Variants in FRMPD4 observed in about 807,000 individuals in gnomAD.
FRMPD4 encodes the protein FERM and PDZ domain containing 4, also known as FERM and PDZ domain-containing protein 4.
A neutral mutation model predicts 94.1 loss-of-function variants in FRMPD4; 22 were observed. That is an observed-to-expected ratio of 0.23 (90% CI 0.17 to 0.33). The LOEUF (loss-of-function observed/expected upper bound fraction) is 0.33, where lower values mean the gene tolerates loss of function less well. FRMPD4 is among the 10% of genes least tolerant of loss of function. The pLI is 1.00. For missense variants in FRMPD4, 1,111 were observed against 1,339.9 expected (o/e 0.83, Z 2.67); for synonymous variants, 631 against 548.6 (o/e 1.15, Z -2.10).
intron 3 of FRMPD4, among the ~76,000 whole-genome samples, chrX:11,931,146 A>G (rs2054120470): frequency 8.9e-6 from 1 of 112,040 alleles, no homozygotes; most frequent in Admixed American, 9.5e-5. Context: ...CATACAGTAT[A>G]TGTAATACTG....
intron 2 of FRMPD4, among the ~76,000 whole-genome samples, chrX:12,545,775 A>G (rs1290554288): frequency 8.9e-6 from 1 of 112,824 alleles, no homozygotes; most frequent in African/African-American, 3.2e-5. Flanking sequence ...GCATGAAGTA[A>G]TCTTTCTGCA....
At chrX:12,559,506 T>C (rs896425766) in intron 2 of FRMPD4, among the ~76,000 whole-genome samples, 3 of 110,203 alleles carry the variant, frequency 2.7e-5, no homozygotes, top group Admixed American at 9.6e-5. Context: ...AAAAATTAGC[T>C]GGGTGTGGTG....
At chrX:11,982,904 AT>A (rs1448786059) in intron 3 of FRMPD4, among the ~76,000 whole-genome samples, 1 of 111,445 alleles carries the variant, frequency 9.0e-6, no homozygotes, top group Admixed American at 9.5e-5. Flanking sequence ...CTGCTGTCTT[AT>A]TTCTGCTGAC....
intron 1 of FRMPD4, among the ~76,000 whole-genome samples, chrX:12,458,978 G>C (rs969545711): frequency 3.3e-4 from 37 of 111,964 alleles, no homozygotes; most frequent in African/African-American, 1.2e-3. Context: ...GAAGTAGAAG[G>C]AAGTACAAAA....
At chrX:12,500,634 T>C (rs2057909272) in intron 2 of FRMPD4, among the ~76,000 whole-genome samples, 1 of 110,805 alleles carries the variant, frequency 9.0e-6, no homozygotes, top group Non-Finnish European at 1.9e-5. Flanking sequence ...TTCCTAAGGA[T>C]ATGCTCACAG....
Position 12,319,028 on chromosome X carries a change from A to G in FRMPD4, c.42-179652A>G, listed in dbSNP as rs139917616. On this transcript the variant is annotated intron_variant, in intron 1 of 16. Transcript: ENST00000675598. ...CAGAGTTGTTTGGGATGAGAACACA[A>G]TTCTGTTCAGTTAGCTTTCCAAATA... Among the ~76,000 whole-genome samples the G allele has an allele frequency of 8.6e-3, 960 of 111,637 alleles. 11 individuals are homozygous for G. The highest frequency in any genetic ancestry group is 0.03 in the African/African-American group (923 of 30,663).
At chrX:12,311,979 G>T (rs931712493) in intron 1 of FRMPD4, among the ~76,000 whole-genome samples, 11 of 110,132 alleles carry the variant, frequency 1.0e-4, no homozygotes, top group African/African-American at 3.6e-4. Flanking sequence ...TTCAAGTATT[G>T]CCTCTCTTCA....
chrX:12,551,395 C>G (rs1381598398), intron 2 of FRMPD4, among the ~76,000 whole-genome samples: 1 of 110,324 alleles, frequency 9.1e-6, no homozygotes, highest in Non-Finnish European at 1.9e-5. Flanking sequence ...AATTATCATA[C>G]CCCCAAAAGA....
At chrX:12,280,081 A>G (rs1375231402) in intron 1 of FRMPD4, among the ~76,000 whole-genome samples, 4 of 110,378 alleles carry the variant, frequency 3.6e-5, no homozygotes, top group Admixed American at 1.9e-4. Context: ...TTTAGCGCAC[A>G]TGCACACACG....
intron 2 of FRMPD4, among the ~76,000 whole-genome samples, chrX:11,875,948 T>C (rs190573846): frequency 0.012 from 1,129 of 96,849 alleles, 26 homozygotes; most frequent in African/African-American, 0.041. Context: ...CGATCTCGGC[T>C]CACTGCAAGC....
At position 12,717,618 on chromosome X, in the gene FRMPD4, A is replaced by T; in HGVS notation, c.2792A>T (p.Asn931Ile). The change falls in exon 16 of 17, where the codon AAC becomes ATC. Residue 931 changes from asparagine (N) to isoleucine (I), a missense_variant. Asn to Ile is a moderately radical substitution (Grantham distance 149). This residue lies in a region of FRMPD4 where 551 missense variants were observed against 591.6 expected (regional missense o/e 0.93). Coordinates refer to ENST00000675598, the MANE Select transcript of FRMPD4 (RefSeq NM_001368397.1). ...GCCACAGCACAAAAACAGTCAGAAA[A>T]CCTCTCCCGCATGTTCTTGGCCACT... Reference protein sequence around the residue: ...ELATAQKQSENLSRMFLATHE... With the variant: ...ELATAQKQSEILSRMFLATHE... 1 of 1,207,710 alleles carries T rather than the reference A, an allele frequency of 8.3e-7. No homozygotes were observed. The highest frequency in any genetic ancestry group is 1.1e-6 in the Non-Finnish European group (1 of 892,346).
intron 3 of FRMPD4, among the ~76,000 whole-genome samples, chrX:11,958,817 C>T (rs1163318119): frequency 1.8e-5 from 2 of 112,016 alleles, no homozygotes; most frequent in Non-Finnish European, 3.8e-5. Flanking sequence ...GCTTTTCCCT[C>T]CACCGCAAAT....
At chrX:11,962,678 A>C (rs2054289707) in intron 3 of FRMPD4, among the ~76,000 whole-genome samples, 1 of 111,463 alleles carries the variant, frequency 9.0e-6, no homozygotes, top group Admixed American at 9.5e-5. Flanking sequence ...AACTGGAAGG[A>C]GTAAGTTCTG....
chrX:12,714,472 G>T (rs1569071452), intron 14 of FRMPD4, among the ~76,000 whole-genome samples: 1 of 111,426 alleles, frequency 9.0e-6, no homozygotes, highest in Non-Finnish European at 1.9e-5. Flanking sequence ...GATCCTTAAC[G>T]TTGCAAGACA....
At chrX:12,571,533 A>G (rs1047299047) in intron 2 of FRMPD4, among the ~76,000 whole-genome samples, 3 of 112,600 alleles carry the variant, frequency 2.7e-5, no homozygotes, top group Non-Finnish European at 5.6e-5. Flanking sequence ...AGCTCAGAAC[A>G]GTAATTCTGT....
chrX:12,614,971 G>A (rs1010908289), intron 4 of FRMPD4, 90 bp downstream of exon 4: 3 of 446,266 alleles, frequency 6.7e-6, no homozygotes, highest in Non-Finnish European at 1.2e-5. Flanking sequence ...AGCCTCCTGT[G>A]GGACAATTTA....
intron 1 of FRMPD4, among the ~76,000 whole-genome samples, chrX:12,242,715 A>G (rs747531664): frequency 8.9e-6 from 1 of 112,205 alleles, no homozygotes; most frequent in Non-Finnish European, 1.9e-5. Context: ...TGACTCAGTT[A>G]TCTCTTCCTT....
At chrX:12,685,559 TTTTTTG>T (rs10687187) in intron 6 of FRMPD4, among the ~76,000 whole-genome samples, 14,160 of 104,285 alleles carry the variant, frequency 0.14, 1,115 homozygotes, top group African/African-American at 0.29. Flanking sequence ...TGGAGTTTTG[TTTTTTG>T]TTTTTGTTTT....
chrX:12,309,643 A>G (rs2054999662), intron 1 of FRMPD4, among the ~76,000 whole-genome samples: 1 of 112,397 alleles, frequency 8.9e-6, no homozygotes, highest in South Asian at 3.7e-4. Context: ...ACTCCTAGTC[A>G]TAGGTGCACA....
Sources: allele counts gnomAD v4.1 joint callset (sites outside exome capture counted in the v4.1 genomes callset), GRCh38; gene constraint gnomAD v4.1.1; regional missense constraint gnomAD v4.1.1; transcripts MANE v1.5; gene names NCBI Gene and HGNC (gene_info 2026-07-23, HGNC 2026-07-21).